The following LMX1A variants were observed in gnomAD, a reference collection of about 807,000 sequenced individuals.
LMX1A encodes the protein LIM homeobox transcription factor 1 alpha, also known as LIM homeobox transcription factor 1-alpha.
LMX1A carries 15 observed loss-of-function variants against 49.1 expected under a neutral mutation model. The ratio of observed to expected loss-of-function variants is 0.31; its 90% confidence interval spans 0.20 to 0.47. The LOEUF (loss-of-function observed/expected upper bound fraction) is 0.47. Among genes scored for constraint, LMX1A ranks in the 20% least tolerant of loss-of-function variants. LMX1A has a pLI of 1.00. For missense variants in LMX1A, 372 were observed against 475.8 expected (o/e 0.78, Z 2.03); for synonymous variants, 167 against 185.7 (o/e 0.90, Z 0.82).
intron 3 of LMX1A, among the ~76,000 whole-genome samples, chr1:165,269,874 C>T (rs1653743442): frequency 6.6e-6 from 1 of 152,000 alleles, no homozygotes; most frequent in Non-Finnish European, 1.5e-5. Context: ...AGGGGAACAA[C>T]ACTTACTGGG....
intron 3 of LMX1A, among the ~76,000 whole-genome samples, chr1:165,290,322 T>C (rs1207563876): frequency 1.3e-5 from 2 of 152,246 alleles, no homozygotes; most frequent in East Asian, 1.9e-4. Context: ...ACGCTCCCTC[T>C]AGAGGCTTAA....
chr1:165,294,739 G>A (rs943453151), intron 3 of LMX1A, among the ~76,000 whole-genome samples: 5 of 152,176 alleles, frequency 3.3e-5, no homozygotes, highest in Non-Finnish European at 5.9e-5. Context: ...CGAGGCAGGC[G>A]GATCACTTGA....
intron 4 of LMX1A, among the ~76,000 whole-genome samples, chr1:165,214,516 G>A (rs550477338): frequency 6.6e-6 from 1 of 152,192 alleles, no homozygotes; most frequent in Non-Finnish European, 1.5e-5. Flanking sequence ...CTACTTCATT[G>A]GGGTTGCTGT....
intron 3 of LMX1A, among the ~76,000 whole-genome samples, chr1:165,284,914 G>A (rs1255896015): frequency 2.0e-5 from 3 of 152,212 alleles, no homozygotes; most frequent in Non-Finnish European, 4.4e-5. Flanking sequence ...GCCACAGCCA[G>A]AGGAAAATCA....
At chr1:165,245,443 C>T (rs914934656) in intron 4 of LMX1A, among the ~76,000 whole-genome samples, 7 of 152,160 alleles carry the variant, frequency 4.6e-5, no homozygotes, top group African/African-American at 7.2e-5. Flanking sequence ...GTACATGGGT[C>T]GGCAACCTTG....
Position 165,202,533 on chromosome 1 carries a change from C to T in LMX1A, c.*1347G>A, listed in dbSNP as rs1650890185. Reference sequence around the variant, plus strand: ...ACAGATAGCAAATATTTCAGGCTTTCCAGGCCACAGACAGCCTGTTATATA... The same window carrying T: ...ACAGATAGCAAATATTTCAGGCTTTTCAGGCCACAGACAGCCTGTTATATA... On this transcript the variant is annotated 3_prime_UTR_variant, in exon 9 of 9. Transcript: ENST00000342310. 2 of 152,150 alleles carry T rather than the reference C, an allele frequency of 1.3e-5. No individual in the cohort carries two copies. Among genetic ancestry groups the T allele is most frequent in the East Asian group, 1.9e-4 (1 of 5,166 alleles). 9.4% of individuals were successfully genotyped at this position (152,150 alleles called of 1,614,324 possible).
intron 3 of LMX1A, among the ~76,000 whole-genome samples, chr1:165,336,465 C>A (rs1655902004): frequency 6.6e-6 from 1 of 152,188 alleles, no homozygotes; most frequent in East Asian, 1.9e-4. Flanking sequence ...TGCTTGCCTC[C>A]TTTACACTTC....
chr1:165,246,112 C>T (rs559430368), intron 4 of LMX1A, among the ~76,000 whole-genome samples: 1 of 152,266 alleles, frequency 6.6e-6, no homozygotes, highest in South Asian at 2.1e-4. Context: ...TTTCTGTTAA[C>T]AATGAGATGG....
chr1:165,209,074 TA>T (rs1488512980), intron 6 of LMX1A, among the ~76,000 whole-genome samples: 1 of 152,240 alleles, frequency 6.6e-6, no homozygotes, highest in East Asian at 1.9e-4. Flanking sequence ...TAGATTTTTG[TA>T]AAAATTTTCT....
chr1:165,255,444 G>T (rs1222469304), intron 3 of LMX1A, among the ~76,000 whole-genome samples: 1 of 152,186 alleles, frequency 6.6e-6, no homozygotes, highest in African/African-American at 2.4e-5. Context: ...TGGGTTCTCA[G>T]GTTCTGCCAC....
chr1:165,269,330 T>C (rs73013414), intron 3 of LMX1A, among the ~76,000 whole-genome samples: 3,662 of 152,240 alleles, frequency 0.024, 140 homozygotes, highest in African/African-American at 0.084. Flanking sequence ...AGCAAACTAA[T>C]AGAATAAATG....
chr1:165,322,385 C>T (rs1323579901), intron 3 of LMX1A, among the ~76,000 whole-genome samples: 1 of 152,180 alleles, frequency 6.6e-6, no homozygotes, highest in African/African-American at 2.4e-5. Flanking sequence ...ATCTTCATAG[C>T]AGCATTGATT....
At chr1:165,260,730 T>A (rs1653408639) in intron 3 of LMX1A, among the ~76,000 whole-genome samples, 4 of 152,120 alleles carry the variant, frequency 2.6e-5, no homozygotes, top group Admixed American at 2.6e-4. Flanking sequence ...ACTCCTGTTC[T>A]CAAGGGTCAC....
intron 3 of LMX1A, among the ~76,000 whole-genome samples, chr1:165,294,190 C>T (rs1385935070): frequency 1.3e-5 from 2 of 152,192 alleles, no homozygotes; most frequent in African/African-American, 2.4e-5. Flanking sequence ...CAGCCCTGCA[C>T]GGGAAGTGAC....
At chr1:165,256,851 C>T (rs1290403848) in intron 3 of LMX1A, among the ~76,000 whole-genome samples, 1 of 151,980 alleles carries the variant, frequency 6.6e-6, no homozygotes, top group African/African-American at 2.4e-5. Context: ...CAAAGAAGCA[C>T]TGAATTTCGG....
chr1:165,350,600 C>T (rs1039827226), intron 3 of LMX1A, among the ~76,000 whole-genome samples: 1 of 152,024 alleles, frequency 6.6e-6, no homozygotes, highest in African/African-American at 2.4e-5. Flanking sequence ...CAGATACCAA[C>T]ACGCAGACTA....
intron 3 of LMX1A, among the ~76,000 whole-genome samples, chr1:165,345,510 G>C (rs917281264): frequency 2.6e-5 from 4 of 152,046 alleles, no homozygotes; most frequent in Admixed American, 2.6e-4. Flanking sequence ...CAGGCACTTG[G>C]CACTTCTCTC....
intron 3 of LMX1A, among the ~76,000 whole-genome samples, chr1:165,262,104 G>T (rs1333286300): frequency 2.0e-5 from 3 of 152,080 alleles, no homozygotes; most frequent in Non-Finnish European, 2.9e-5. Flanking sequence ...CATCATTTAT[G>T]CTCTACCTTC....
At chr1:165,228,032 C>T (rs1454708573) in intron 4 of LMX1A, among the ~76,000 whole-genome samples, 1 of 152,172 alleles carries the variant, frequency 6.6e-6, no homozygotes, top group Non-Finnish European at 1.5e-5. Flanking sequence ...ATTAAACAGA[C>T]AGGACCTCTT....
Sources: allele counts gnomAD v4.1 joint callset (sites outside exome capture counted in the v4.1 genomes callset), GRCh38; gene constraint gnomAD v4.1.1; transcripts MANE v1.5; gene names NCBI Gene and HGNC (gene_info 2026-07-23, HGNC 2026-07-21).